The following RUSF1 variants were observed in gnomAD, a reference collection of about 807,000 sequenced individuals.
RUSF1 encodes RUS family member 1.
A neutral mutation model predicts 63.0 loss-of-function variants in RUSF1; 58 were observed. The observed-to-expected ratio is 0.92, with a 90% CI of 0.75 to 1.15. The LOEUF (loss-of-function observed/expected upper bound fraction) is 1.15, where lower values mean the gene tolerates loss of function less well. RUSF1 is among the 50% of genes most tolerant of loss of function. The pLI is 0.00. For missense variants in RUSF1, 652 were observed against 611.0 expected (o/e 1.07, Z -0.71); for synonymous variants, 274 against 255.8 (o/e 1.07, Z -0.68).
intron 2 of RUSF1, among the ~76,000 whole-genome samples, chr16:31,507,088 A>G (rs532499695): frequency 3.3e-5 from 5 of 152,340 alleles, no homozygotes; most frequent in African/African-American, 1.2e-4. Flanking sequence ...GAAACCCCGC[A>G]ATTACTTTTG....
Position 31,493,512 on chromosome 16 carries a change from G to C in RUSF1, c.971C>G (p.Ala324Gly). 6 of 1,613,572 alleles carry C rather than the reference G, an allele frequency of 3.7e-6. No individual in the cohort carries two copies. The highest frequency in any genetic ancestry group is 5.1e-6 in the Non-Finnish European group (6 of 1,179,754). The part of the protein sequence containing the change: ...MEPLWTGFWP[A>G]PSLSLGVPLH... ...GGGGACCCCCAGGGATAGAGACGGA[G>C]CTGGCCAGAAACCTGTGGGAAGCTG... The change falls in exon 9 of 13, where the codon GCT becomes GGT. Residue 324 changes from alanine to glycine, a missense_variant. By Grantham distance (60) the Ala-to-Gly change is moderately conservative (BLOSUM62 0). Transcript: ENST00000327237.
Position 31,490,569 on chromosome 16 carries a change from T to G in RUSF1, c.*266A>C. 2 of 1,543,536 alleles carry G rather than the reference T, an allele frequency of 1.3e-6. No individual in the cohort carries two copies. The highest frequency in any genetic ancestry group is 2.3e-5 in the South Asian group (2 of 87,104). ...GCGTTGGACACCATAAGCCACAGCC[T>G]CACAGGAAGTGGGGGTGAGGAGCCT... On this transcript the variant is annotated 3_prime_UTR_variant, in exon 13 of 13. Coordinates refer to ENST00000327237, the MANE Select transcript of RUSF1 (RefSeq NM_022744.4).
At position 31,508,193 on chromosome 16, in the gene RUSF1, C is replaced by T; in HGVS notation, c.181G>A (p.Gly61Arg). ...KPEGRDAGEV[G>R]ASGAPSPPLS... The stretch of plus-strand genomic sequence containing the variant: ...GGCGGTGAGGGGGCCCCGGAAGCCC[C>T]CACTTCGCCCGCATCTCGTCCTTCA... The change falls in exon 1 of 13, where the codon GGG becomes AGG. Residue 61 changes from glycine (G) to arginine (R), a missense_variant. Physicochemically the swap from Gly to Arg is moderately radical, Grantham distance 125 (BLOSUM62 -2). Coordinates refer to ENST00000327237, the MANE Select transcript of RUSF1 (RefSeq NM_022744.4). 2 of 1,567,016 alleles carry T rather than the reference C, an allele frequency of 1.3e-6. No homozygotes were observed. Among genetic ancestry groups the T allele is most frequent in the Non-Finnish European group, 1.7e-6 (2 of 1,156,702 alleles).
rs372035715 is a variant in RUSF1 at position 31,499,383 on chromosome 16, G to A, written c.519C>T (p.Asp173=). The A allele has an allele frequency of 1.2e-5, 20 of 1,613,874 alleles. No homozygotes were observed. Among genetic ancestry groups the A allele is most frequent in the Admixed American group, 1.7e-5 (1 of 59,982 alleles). ...QWRLFADILN[D]VAMFLEIMAP... ...CCATAATCTCAAGGAACATGGCTAC[G>A]TCATTGAGGATGTCCGCAAAAAGCC... is the stretch of plus-strand genomic sequence containing the variant. The change falls in exon 5 of 13, where the codon GAC becomes GAT. Residue 173 remains aspartate, a synonymous_variant. Transcript: ENST00000327237.
Position 31,490,860 on chromosome 16 carries a change from A to G in RUSF1, c.1382T>C (p.Leu461Pro). 3 of 1,614,208 alleles carry G rather than the reference A, an allele frequency of 1.9e-6. No homozygotes were observed. The highest frequency in any genetic ancestry group is 1.3e-5 in the African/African-American group (1 of 75,064). The change falls in exon 13 of 13, where the codon CTG (leucine) becomes CCG (proline). Residue 461 changes from leucine (L) to proline (P), a missense_variant. Coordinates refer to ENST00000327237, the MANE Select transcript of RUSF1 (RefSeq NM_022744.4). ...EVDEWRATWLLSPEKKVL is the reference protein window; with the variant it reads ...EVDEWRATWLPSPEKKVL ...TCACAAGACCTTCTTTTCGGGAGAC[A>G]GAAGCCATGTGGCCCTCCACTCATC...
intron 6 of RUSF1, among the ~76,000 whole-genome samples, chr16:31,495,559 G>C (rs962260624): frequency 1.3e-5 from 2 of 152,160 alleles, no homozygotes; most frequent in Non-Finnish European, 2.9e-5. Flanking sequence ...AATGGCTTGG[G>C]GTTAGGGGGA....
At position 31,507,887 on chromosome 16, in the gene RUSF1, G is replaced by C. The variant is rs11864942; in HGVS notation, c.301-9C>G. On this transcript the variant is annotated splice_polypyrimidine_tract_variant and intron_variant, in intron 1 of 12. Coordinates refer to ENST00000327237, the MANE Select transcript of RUSF1 (RefSeq NM_022744.4). ...AGGCTGGAAGCAAACGCCTGGAGAA[G>C]AAAACAAGTAGGGTGAGAAGCGGGC... 1.2e-4 allele frequency: 191 copies of C among 1,553,938 alleles called. No homozygotes were observed. The African/African-American group carries it at 2.3e-3, about 19-fold the overall frequency.
intron 9 of RUSF1, 104 bp from the exon 10 acceptor site, chr16:31,493,152 C>T: frequency 8.3e-7 from 1 of 1,205,134 alleles, no homozygotes; most frequent in Admixed American, 1.9e-5. Context: ...ATCCAGGCTT[C>T]ACTCAGGTCC....
chr16:31,497,327 A>G (rs368126563), intron 5 of RUSF1, among the ~76,000 whole-genome samples: 4 of 150,180 alleles, frequency 2.7e-5, no homozygotes, highest in African/African-American at 9.8e-5. Flanking sequence ...TAATTCCTCT[A>G]CTCTCCTCCT....
chr16:31,497,816 G>T (rs1312794813), intron 5 of RUSF1, among the ~76,000 whole-genome samples: 2 of 152,240 alleles, frequency 1.3e-5, no homozygotes, highest in Non-Finnish European at 2.9e-5. Flanking sequence ...AGGGCGAAGT[G>T]GCTGGCAGGG....
chr16:31,501,698 G>A (rs144818060), intron 2 of RUSF1, among the ~76,000 whole-genome samples: 4 of 152,152 alleles, frequency 2.6e-5, no homozygotes, highest in African/African-American at 7.2e-5. Flanking sequence ...GGAATCAGTG[G>A]GACCTTCGTT....
Position 31,489,789 on chromosome 16 carries a change from AG to A in RUSF1, c.*1045del, listed in dbSNP as rs2082544238. On this transcript the variant is annotated 3_prime_UTR_variant, in exon 13 of 13. Transcript: ENST00000327237. ...GCAGGAGGAAAGGGTGGGAGCACAC[AG>A]GCACAGAACACTGTGAGCAGGACTG... 3 of 456,996 alleles carry A rather than the reference AG, an allele frequency of 6.6e-6. No individual in the cohort carries two copies. The highest frequency in any genetic ancestry group is 6.2e-5 in the South Asian group (3 of 48,724). 28.3% of individuals were successfully genotyped at this position (456,996 alleles called of 1,614,324 possible). A position where few individuals can be genotyped will look rare whatever the true frequency, so the allele number is the denominator to read the frequency against.
At chr16:31,492,876 A>C in intron 10 of RUSF1, 102 bp downstream of exon 10, 1 of 1,161,528 alleles carries the variant, frequency 8.6e-7, no homozygotes, top group African/African-American at 1.5e-5. Flanking sequence ...CCCCCAGAAC[A>C]GGCAGCCTCC....
At position 31,492,005 on chromosome 16, in the gene RUSF1, T is replaced by TTA. The variant is rs1345714965; in HGVS notation, c.1309+2_1309+3dup. The TTA allele has an allele frequency of 6.2e-7, 1 of 1,613,928 alleles. No individual in the cohort carries two copies. The highest frequency in any genetic ancestry group is 1.1e-5 in the South Asian group (1 of 91,082). ...CCAAGCAGCCATGGGCTGAGGGATG[T>TTA]TACCTTTCAAGAACTTTGGGAACAG... On this transcript the variant is annotated splice_donor_region_variant and intron_variant, in intron 12 of 12. Coordinates refer to ENST00000327237, the MANE Select transcript of RUSF1 (RefSeq NM_022744.4).
intron 12 of RUSF1, among the ~76,000 whole-genome samples, chr16:31,491,762 A>G (rs1470591495): frequency 6.6e-6 from 1 of 151,686 alleles, no homozygotes; most frequent in Admixed American, 6.6e-5. Flanking sequence ...CAAGAGCAGA[A>G]CCACACCTGG....
chr16:31,499,491 AC>A lies in RUSF1; in HGVS notation c.494+1del, dbSNP rs750815259. ...CCCTCCCCCGTCCCCGCCCCTCCTC[AC>A]CTCCACTGCTTGGCATTGCAGTCCA... On this transcript the variant is annotated splice_donor_variant, in intron 4 of 12. Transcript: ENST00000327237. LOFTEE classifies it high-confidence loss of function. 6.2e-7 allele frequency: 1 copy of A among 1,601,378 alleles called. No individual in the cohort carries two copies. Among genetic ancestry groups the A allele is most frequent in the Non-Finnish European group, 8.5e-7 (1 of 1,175,092 alleles).
chr16:31,491,819 C>T (rs1243627430), intron 12 of RUSF1, among the ~76,000 whole-genome samples, 190 bp downstream of exon 12: 2 of 152,122 alleles, frequency 1.3e-5, no homozygotes, highest in Non-Finnish European at 2.9e-5. Context: ...GCCATGTTGC[C>T]CAGGCAGGGT....
intron 2 of RUSF1, among the ~76,000 whole-genome samples, chr16:31,501,785 G>C (rs920025994): frequency 5.9e-5 from 9 of 152,000 alleles, no homozygotes; most frequent in Non-Finnish European, 8.8e-5. Context: ...GATGATCCCA[G>C]GGTCAAAATC....
rs745388470 is a variant in RUSF1, at chr16:31,507,722, G to C, written c.415+42C>G. 2.0e-6 allele frequency: 3 copies of C among 1,530,048 alleles called. No individual in the cohort carries two copies. In the South Asian group the frequency reaches 3.6e-5, roughly 18 times the overall value. The allele number at this position is 1,530,048 out of a possible 1,614,324, so 94.8% of individuals were successfully genotyped here. On this transcript the variant is annotated intron_variant, in intron 2 of 12. Coordinates refer to ENST00000327237, the MANE Select transcript of RUSF1 (RefSeq NM_022744.4). ...CACATAAGAGCCCAGCGAAAGCAGG[G>C]CTGAAAGCAGCAATACGTGAGGCTC...
Sources: allele counts gnomAD v4.1 joint callset (sites outside exome capture counted in the v4.1 genomes callset), GRCh38; gene constraint gnomAD v4.1.1; transcripts MANE v1.5; gene names NCBI Gene and HGNC (gene_info 2026-07-23, HGNC 2026-07-21).